MXI1: variants seen among roughly 807,000 people sequenced by gnomAD.
MXI1 encodes the protein max-interacting protein 1.
MXI1 carries 18 observed loss-of-function variants against 36.9 expected under a neutral mutation model. That is an observed-to-expected ratio of 0.49 (90% CI 0.34 to 0.72). MXI1 has a LOEUF of 0.72. Among genes scored for constraint, MXI1 ranks in the 30% least tolerant of loss-of-function variants. The pLI, the probability that MXI1 is intolerant of heterozygous loss-of-function variation, is 0.01. For synonymous variants in MXI1, 160 were observed against 146.7 expected (o/e 1.09, Z -0.65); for missense variants, 304 against 379.1 (o/e 0.80, Z 1.64).
chr10:110,225,428 C>G (rs915499252), intron 1 of MXI1, among the ~76,000 whole-genome samples: 30 of 152,146 alleles, frequency 2.0e-4, no homozygotes, highest in Admixed American at 1.8e-3. Context: ...GGAAGAAGGG[C>G]TTCATGGAAA....
At chr10:110,218,643 A>AGGGT (rs1292598524) in intron 1 of MXI1, among the ~76,000 whole-genome samples, 2 of 152,074 alleles carry the variant, frequency 1.3e-5, no homozygotes, top group Non-Finnish European at 2.9e-5. Flanking sequence ...GAGATGGTCT[A>AGGGT]GGGTGTCACT....
At chr10:110,277,809 C>T (rs1012225551) in intron 3 of MXI1, among the ~76,000 whole-genome samples, 4 of 152,214 alleles carry the variant, frequency 2.6e-5, no homozygotes, top group African/African-American at 7.2e-5. Context: ...AAACCTCTGA[C>T]CTCACTACCC....
chr10:110,258,217 G>A (rs951294398), intron 3 of MXI1, among the ~76,000 whole-genome samples: 2 of 152,122 alleles, frequency 1.3e-5, no homozygotes, highest in African/African-American at 4.8e-5. Flanking sequence ...AAATAAAAAT[G>A]GTGGTTACTT....
chr10:110,247,873 C>A (rs1801726581), intron 3 of MXI1, among the ~76,000 whole-genome samples: 1 of 152,158 alleles, frequency 6.6e-6, no homozygotes, highest in African/African-American at 2.4e-5. Flanking sequence ...ATAAATCATG[C>A]TGCTATAAAG....
intron 5 of MXI1, among the ~76,000 whole-genome samples, chr10:110,283,798 A>C (rs1443244533): frequency 6.6e-6 from 1 of 151,598 alleles, no homozygotes; most frequent in African/African-American, 2.4e-5. Context: ...TTTATTTTTA[A>C]GAGACAGGGT....
intron 1 of MXI1, among the ~76,000 whole-genome samples, chr10:110,223,682 A>C (rs986433326): frequency 2.0e-5 from 3 of 152,136 alleles, no homozygotes; most frequent in Non-Finnish European, 4.4e-5. Context: ...CCCCTACCCA[A>C]CATGGCCCTT....
chr10:110,252,518 A>G (rs1317118737), intron 3 of MXI1, among the ~76,000 whole-genome samples: 1 of 151,482 alleles, frequency 6.6e-6, no homozygotes, highest in African/African-American at 2.4e-5. Context: ...TTAGTTCTCA[A>G]CTCTCAGGTC....
intron 3 of MXI1, among the ~76,000 whole-genome samples, chr10:110,251,428 G>C (rs1309439235): frequency 6.6e-6 from 1 of 152,044 alleles, no homozygotes; most frequent in African/African-American, 2.4e-5. Flanking sequence ...GGTCATTATA[G>C]TTTGGTATTT....
At chr10:110,226,784 A>G (rs1321747020) in intron 1 of MXI1, among the ~76,000 whole-genome samples, 5 of 3,396 alleles carry the variant, frequency 1.5e-3, no homozygotes, top group East Asian at 7.9e-3. Context: ...CGTATGAGGG[A>G]AGGGGAGCGC....
At chr10:110,228,524 G>T (rs961373848) in intron 2 of MXI1, among the ~76,000 whole-genome samples, 4 of 152,208 alleles carry the variant, frequency 2.6e-5, no homozygotes, top group African/African-American at 9.7e-5. Flanking sequence ...GACAACCAAA[G>T]AAGTTCTTGC....
At chr10:110,209,249 A>G (rs1444543334) in intron 1 of MXI1, among the ~76,000 whole-genome samples, 1 of 152,130 alleles carries the variant, frequency 6.6e-6, no homozygotes, top group East Asian at 1.9e-4. Context: ...ACCGACAGAT[A>G]GGGGGAAACC....
chr10:110,208,298 G>T, intron 1 of MXI1: 2 of 454,018 alleles, frequency 4.4e-6, no homozygotes, highest in Non-Finnish European at 7.6e-6. Context: ...GCCTGTCGGT[G>T]CGTCGGTCTG....
intron 3 of MXI1, among the ~76,000 whole-genome samples, chr10:110,258,834 T>A (rs1048133435): frequency 6.6e-6 from 1 of 152,182 alleles, no homozygotes; most frequent in African/African-American, 2.4e-5. Context: ...TATACTGACC[T>A]TTGTTAGAAA....
chr10:110,215,068 GTC>G (rs1854604344), intron 1 of MXI1, among the ~76,000 whole-genome samples: 1 of 109,996 alleles, frequency 9.1e-6, no homozygotes, highest in African/African-American at 3.5e-5. Context: ...TTGAGATGGA[GTC>G]TCACTCTGTT....
intron 3 of MXI1, among the ~76,000 whole-genome samples, chr10:110,278,702 GT>G (rs1857127962): frequency 5.4e-5 from 5 of 93,348 alleles, no homozygotes; most frequent in Non-Finnish European, 9.4e-5. Context: ...GAGAGGTAGG[GT>G]GTGTGTGTGT....
chr10:110,233,151 A>T (rs1486481315), intron 2 of MXI1, among the ~76,000 whole-genome samples: 1 of 152,178 alleles, frequency 6.6e-6, no homozygotes, highest in African/African-American at 2.4e-5. Flanking sequence ...AGAATCTCAT[A>T]AAAGCAGTAT....
intron 5 of MXI1, among the ~76,000 whole-genome samples, chr10:110,282,435 T>C (rs771038830): frequency 2.6e-5 from 4 of 152,216 alleles, no homozygotes; most frequent in East Asian, 1.9e-4. Context: ...CCAGAGGCAG[T>C]AGCAAGAACC....
At chr10:110,227,634 G>C in intron 1 of MXI1, 1 of 830,004 alleles carries the variant, frequency 1.2e-6, no homozygotes, top group Non-Finnish European at 1.5e-6. Context: ...GGGGAAAACC[G>C]GTGGAGAGGG....
At chr10:110,250,259 C>T (rs1856029200) in intron 3 of MXI1, among the ~76,000 whole-genome samples, 1 of 152,072 alleles carries the variant, frequency 6.6e-6, no homozygotes, top group Non-Finnish European at 1.5e-5. Context: ...AACCCTGTCC[C>T]CCTAGGCCCA....
Sources: gnomAD v4.1 joint callset for allele counts (sites outside exome capture counted in the v4.1 genomes callset) on GRCh38, gnomAD v4.1.1 for gene constraint, MANE v1.5 for transcripts, NCBI Gene and HGNC (gene_info 2026-07-23, HGNC 2026-07-21) for gene names.